The following NBPF20 variants were observed in gnomAD, a reference collection of about 807,000 sequenced individuals.
The protein encoded by NBPF20 is NBPF member 20, also known as NBPF family member NBPF20.
NBPF20 carries 90 observed loss-of-function variants against 68.1 expected under a neutral mutation model. That is an observed-to-expected ratio of 1.32 (90% CI 1.11 to 1.58). NBPF20 has a LOEUF of 1.58. NBPF20 is among the 40% of genes most tolerant of loss of function. NBPF20 has a pLI of 0.00. For synonymous variants in NBPF20, 290 were observed against 228.1 expected, an observed-to-expected ratio of 1.27 and a Z score of -2.45; for missense variants, 816 against 601.2, an observed-to-expected ratio of 1.36 and a Z score of -3.74.
chr1:145,421,636 G>T, the NBPF20 span, among the ~76,000 whole-genome samples: 2 of 152,180 alleles, frequency 1.3e-5, no homozygotes, highest in Admixed American at 1.3e-4. Context: ...TTGAAAATGA[G>T]ATTGAACACA....
At chr1:145,410,796 A>C in the NBPF20 span, among the ~76,000 whole-genome samples, 1 of 102,748 alleles carries the variant, frequency 9.7e-6, no homozygotes, top group East Asian at 2.6e-4. Context: ...ACATATATAT[A>C]CGTATATGTA....
upstream of NBPF20, among the ~76,000 whole-genome samples, chr1:145,409,894 G>T (rs1454602593): frequency 1.3e-5 from 2 of 151,472 alleles, no homozygotes; most frequent in African/African-American, 4.8e-5. Context: ...TTTCCAGGCC[G>T]TTTCCCTGTA....
chr1:145,396,765 T>G (rs1200328286), intron 7 of NBPF20, among the ~76,000 whole-genome samples: 1 of 150,076 alleles, frequency 6.7e-6, no homozygotes, highest in African/African-American at 2.5e-5. Flanking sequence ...TATATATATA[T>G]ATATATACAG....
the NBPF20 span, among the ~76,000 whole-genome samples, chr1:145,410,574 A>T: frequency 9.3e-5 from 14 of 150,466 alleles, no homozygotes; most frequent in Non-Finnish European, 1.6e-4. Flanking sequence ...CGGCCTCCCA[A>T]AGTGCTGGGA....
chr1:145,393,596 A>T, intron 9 of NBPF20: 1 of 655,372 alleles, frequency 1.5e-6, no homozygotes, highest in Non-Finnish European at 2.6e-6. Flanking sequence ...CATGAAAAGC[A>T]TGTCCTCAAT....
chr1:145,402,928 T>A (rs1490407089), intron 3 of NBPF20, among the ~76,000 whole-genome samples: 1 of 151,584 alleles, frequency 6.6e-6, no homozygotes, highest in African/African-American at 2.4e-5. Flanking sequence ...GTATACTGAA[T>A]GCTGCTGTGT....
At chr1:145,291,912 C>A (rs1393792804) in intron 137 of NBPF20, 143 bp from the exon 143 acceptor site, 27 of 1,537,864 alleles carry the variant, frequency 1.8e-5, no homozygotes, top group African/African-American at 5.6e-5. Flanking sequence ...AAATTTATTG[C>A]CTATATGTTG....
upstream of NBPF20, among the ~76,000 whole-genome samples, chr1:145,409,454 C>G (rs1553668483): frequency 2.7e-5 from 4 of 150,572 alleles, no homozygotes; most frequent in Non-Finnish European, 5.9e-5. Context: ...GAAGCCAGTG[C>G]CCTTATACAA....
chr1:145,425,370 G>A, the NBPF20 span, among the ~76,000 whole-genome samples: 1 of 152,064 alleles, frequency 6.6e-6, no homozygotes, highest in African/African-American at 2.4e-5. Context: ...ACGCTGGGTG[G>A]ACTTCGCTGT....
At chr1:145,405,213 G>T in exon 2 of NBPF20, 2 of 1,611,496 alleles carry the variant, frequency 1.2e-6, no homozygotes, top group Non-Finnish European at 8.5e-7. Context: ...ATTTCTCGTT[G>T]ATTTCTAGAA....
the NBPF20 span, among the ~76,000 whole-genome samples, chr1:145,411,215 T>G: frequency 6.8e-6 from 1 of 146,610 alleles, no homozygotes; most frequent in Non-Finnish European, 1.5e-5. Context: ...AGAATTGCAT[T>G]GGATCTGGAG....
chr1:145,291,721 G>C (rs781791342), exon 138 of NBPF20: 19 of 1,611,856 alleles, frequency 1.2e-5, no homozygotes, highest in African/African-American at 4.0e-5. Context: ...CATCCAGTGA[G>C]TCCTGTAAGA....
upstream of NBPF20, chr1:145,408,169 A>G: frequency 4.9e-6 from 1 of 205,732 alleles, no homozygotes; most frequent in Non-Finnish European, 1.1e-5. Context: ...CGTTCCCAGT[A>G]CTGACCTGCT....
At chr1:145,311,870 G>C (rs1327950358) in intron 112 of NBPF20, among the ~76,000 whole-genome samples, 1 of 112,434 alleles carries the variant, frequency 8.9e-6, no homozygotes, top group Non-Finnish European at 1.8e-5. Flanking sequence ...GATTTTAGAT[G>C]CTGAAATTAG....
At chr1:145,413,044 TTA>T in the NBPF20 span, among the ~76,000 whole-genome samples, 1 of 124,678 alleles carries the variant, frequency 8.0e-6, no homozygotes, top group African/African-American at 3.0e-5. Flanking sequence ...ACAGGATTCT[TTA>T]TATGATTAAC....
At chr1:145,291,558 C>A (rs782187736) in exon 138 of NBPF20, 18 of 1,611,870 alleles carry the variant, frequency 1.1e-5, no homozygotes, top group South Asian at 3.3e-5. Flanking sequence ...ATCTGGAACA[C>A]CAGGTGGAGA....
the NBPF20 span, among the ~76,000 whole-genome samples, chr1:145,423,658 CA>C: frequency 6.6e-6 from 1 of 151,686 alleles, no homozygotes; most frequent in Non-Finnish European, 1.5e-5. Context: ...AGAGGACACA[CA>C]AATGACAATA....
In NBPF20 at chr1:145,351,909, G is replaced by T; in HGVS notation, c.7522+8C>A. The T allele has an allele frequency of 3.1e-5, 2 of 64,728 alleles. No individual in the cohort carries two copies. The highest frequency in any genetic ancestry group is 1.8e-4 in the South Asian group (2 of 10,958). The allele number at this position is 64,728 out of a possible 1,614,324, so 4.0% of individuals were successfully genotyped here. A position where few individuals can be genotyped will look rare whatever the true frequency, so the allele number is the denominator to read the frequency against. On this transcript the variant is annotated splice_region_variant and intron_variant, in intron 62 of 137. Transcript: ENST00000369373. ...GGATCCTTATCACCTTCATAGAAAGGTACTCACCTCCCACGTCGAGAGAAA... is the reference window on the plus strand; with the variant it reads ...GGATCCTTATCACCTTCATAGAAAGTTACTCACCTCCCACGTCGAGAGAAA...
exon 137 of NBPF20, chr1:145,292,425 C>G (rs782021341): frequency 1.1e-5 from 8 of 700,350 alleles, no homozygotes; most frequent in Non-Finnish European, 1.8e-5. Context: ...CTTTTCTTCC[C>G]CTTCTTCTTT....
Sources: gnomAD v4.1 joint callset for allele counts (sites outside exome capture counted in the v4.1 genomes callset) on GRCh38, gnomAD v4.1.1 for gene constraint, MANE v1.5 for transcripts, NCBI Gene and HGNC (gene_info 2026-07-23, HGNC 2026-07-21) for gene names.